The following IL23R variants were observed in gnomAD, a reference collection of about 807,000 sequenced individuals.
IL23R encodes the protein interleukin 23 receptor.
A neutral mutation model predicts 56.9 loss-of-function variants in IL23R; 34 were observed. That is an observed-to-expected ratio of 0.60 (90% CI 0.45 to 0.80). The LOEUF (loss-of-function observed/expected upper bound fraction) is 0.80. IL23R is among the 30% of genes least tolerant of loss of function. The probability of loss-of-function intolerance (pLI) is 0.00; values close to 1 mark genes in which losing one functional copy is unlikely to be tolerated. For synonymous variants in IL23R, 230 were observed against 249.2 expected, an observed-to-expected ratio of 0.92 and a Z score of 0.73; for missense variants, 635 against 730.0, an observed-to-expected ratio of 0.87 and a Z score of 1.50.
intron 1 of IL23R, among the ~76,000 whole-genome samples, chr1:67,155,045 A>T (rs531984165): frequency 3.8e-4 from 58 of 152,170 alleles, no homozygotes; most frequent in African/African-American, 1.4e-3. Flanking sequence ...CCCTTTACTT[A>T]TGAAGCTTAG....
downstream of IL23R, among the ~76,000 whole-genome samples, chr1:67,263,875 A>AG (rs1653278120): frequency 6.6e-6 from 1 of 152,146 alleles, no homozygotes. Context: ...AAAAAAAAAA[A>AG]AAGCAATCTG....
rs746348181 is a variant in IL23R, at chr1:67,258,617, C to T, written c.1379C>T (p.Thr460Ile). The change falls in exon 11 of 11, where the codon ACA (threonine) becomes ATA (isoleucine). Residue 460 changes from threonine (T) to isoleucine (I), a missense_variant. Coordinates refer to ENST00000347310, the MANE Select transcript of IL23R (RefSeq NM_144701.3). ...AAGGAGAATACAGGACCCCTGGAGA[C>T]AAGAGACTACCCGCAAAACTCGCTA... is the stretch of plus-strand genomic sequence containing the variant. ...YKKENTGPLE[T>I]RDYPQNSLFD... The T allele has an allele frequency of 1.2e-6, 2 of 1,613,826 alleles. No homozygotes were observed. Among genetic ancestry groups the T allele is most frequent in the South Asian group, 1.1e-5 (1 of 91,000 alleles).
chr1:67,230,183 G>A (rs1036279936), intron 7 of IL23R, among the ~76,000 whole-genome samples: 1 of 152,226 alleles, frequency 6.6e-6, no homozygotes, highest in Non-Finnish European at 1.5e-5. Context: ...GAAGCCCTAT[G>A]TCAACCCTTC....
At chr1:67,187,229 T>C (rs1647403808) in intron 4 of IL23R, among the ~76,000 whole-genome samples, 1 of 152,186 alleles carries the variant, frequency 6.6e-6, no homozygotes, top group Non-Finnish European at 1.5e-5. Context: ...ATCTCCACAT[T>C]CTTGCCAACC....
At chr1:67,167,270 CCT>C (rs1646884660) in intron 1 of IL23R, among the ~76,000 whole-genome samples, 1 of 152,130 alleles carries the variant, frequency 6.6e-6, no homozygotes, top group Non-Finnish European at 1.5e-5. Context: ...AGGGTTTCAC[CCT>C]GTTGCCCAGC....
rs530754660 is a variant in IL23R at position 67,216,505 on chromosome 1, G to C, written c.799-3069G>C. ...AAGGGCCAAATGGTAAACATTTTAG[G>C]CTTTGCAGAACATAAGATTTCTGTC... On this transcript the variant is annotated intron_variant, in intron 6 of 10. Coordinates refer to ENST00000347310, the MANE Select transcript of IL23R (RefSeq NM_144701.3). 1.4e-4 allele frequency among the ~76,000 whole-genome samples: 21 copies of C among 152,240 alleles called. 1 individual carries two copies. In the Middle Eastern group the frequency reaches 0.014, roughly 99 times the overall value.
At chr1:67,236,497 C>T (rs534871535) in intron 7 of IL23R, among the ~76,000 whole-genome samples, 1 of 152,258 alleles carries the variant, frequency 6.6e-6, no homozygotes, top group Admixed American at 6.5e-5. Context: ...TATAGTTGCC[C>T]TTGCAGTGTT....
intron 10 of IL23R, among the ~76,000 whole-genome samples, chr1:67,256,430 C>T (rs577434554): frequency 6.6e-6 from 1 of 152,268 alleles, no homozygotes; most frequent in East Asian, 1.9e-4. Context: ...GCTAGGTTTC[C>T]ATTCTGGCAA....
In IL23R at chr1:67,208,403, C is replaced by T. The variant is rs193137867; in HGVS notation, c.798+1348C>T. Reference sequence around the variant, plus strand: ...ACCTTTACAGCAGCCCCTCCCATCACGGGCTTGGAGGCCCAGGAGAAAAAA... The same window carrying T: ...ACCTTTACAGCAGCCCCTCCCATCATGGGCTTGGAGGCCCAGGAGAAAAAA... On this transcript the variant is annotated intron_variant, in intron 6 of 10. Transcript: ENST00000347310. Among the ~76,000 whole-genome samples the T allele has an allele frequency of 2.6e-5, 4 of 152,318 alleles. No individual in the cohort carries two copies. In the South Asian group the frequency reaches 6.2e-4, roughly 24 times the overall value.
At chr1:67,213,599 A>G (rs1044834178) in intron 6 of IL23R, among the ~76,000 whole-genome samples, 5 of 152,146 alleles carry the variant, frequency 3.3e-5, no homozygotes, top group Admixed American at 6.5e-5. Context: ...TCTGTCACCT[A>G]GTGATTTATA....
At chr1:67,203,688 A>G (rs926892703) in intron 5 of IL23R, among the ~76,000 whole-genome samples, 2 of 152,238 alleles carry the variant, frequency 1.3e-5, no homozygotes, top group Non-Finnish European at 2.9e-5. Flanking sequence ...TAAGAATGAG[A>G]CAACGCAAAT....
chr1:67,144,961 T>C (rs974504754), intron 1 of IL23R, among the ~76,000 whole-genome samples: 3 of 152,230 alleles, frequency 2.0e-5, no homozygotes, highest in Non-Finnish European at 2.9e-5. Flanking sequence ...CATGTCTACA[T>C]GTTAATTTAT....
intron 7 of IL23R, among the ~76,000 whole-genome samples, chr1:67,233,521 T>C (rs886325296): frequency 1.3e-5 from 2 of 152,150 alleles, no homozygotes; most frequent in African/African-American, 4.8e-5. Flanking sequence ...TTTGAGTGGA[T>C]TTGATTAAAC....
chr1:67,148,156 C>T (rs1370490610), intron 1 of IL23R, among the ~76,000 whole-genome samples: 1 of 152,250 alleles, frequency 6.6e-6, no homozygotes, highest in East Asian at 1.9e-4. Flanking sequence ...ATGGGCGCCT[C>T]GCTGGGTCAG....
At chr1:67,222,401 G>A (rs1650344674) in intron 7 of IL23R, among the ~76,000 whole-genome samples, 1 of 152,118 alleles carries the variant, frequency 6.6e-6, no homozygotes, top group Non-Finnish European at 1.5e-5. Flanking sequence ...ACAGGCGTGA[G>A]CCATGGCACC....
chr1:67,149,515 G>A (rs189267456), intron 1 of IL23R, among the ~76,000 whole-genome samples: 12 of 152,090 alleles, frequency 7.9e-5, no homozygotes, highest in African/African-American at 2.4e-4. Context: ...ACAGGACAGG[G>A]TCTCATTCAC....
At chr1:67,175,704 A>G (rs1175445484) in intron 3 of IL23R, among the ~76,000 whole-genome samples, 2 of 152,246 alleles carry the variant, frequency 1.3e-5, no homozygotes, top group Non-Finnish European at 2.9e-5. Context: ...TATTGCATGT[A>G]TGAACACCCA....
At chr1:67,162,976 A>C (rs570883458), upstream of IL23R, among the ~76,000 whole-genome samples, 17 of 152,322 alleles carry the variant, frequency 1.1e-4, no homozygotes, top group East Asian at 3.3e-3. Context: ...GAAGGTTTTG[A>C]ATTTACCTTC....
chr1:67,191,346 T>G (rs1186890346), intron 4 of IL23R, among the ~76,000 whole-genome samples: 1 of 152,230 alleles, frequency 6.6e-6, no homozygotes, highest in Non-Finnish European at 1.5e-5. Context: ...TGTACCCATA[T>G]AGTTGATCTT....
Sources: allele counts gnomAD v4.1 joint callset (sites outside exome capture counted in the v4.1 genomes callset), GRCh38; gene constraint gnomAD v4.1.1; transcripts MANE v1.5; gene names NCBI Gene and HGNC (gene_info 2026-07-23, HGNC 2026-07-21).